The following TBCK variants were observed in gnomAD, a reference collection of about 807,000 sequenced individuals.
TBCK encodes the protein TBC domain-containing protein kinase-like protein.
Under a neutral mutation model 113.4 loss-of-function variants are expected in TBCK, and 99 were observed. The ratio of observed to expected loss-of-function variants is 0.87; its 90% confidence interval spans 0.74 to 1.03. The LOEUF is 1.03. Among genes scored for constraint, TBCK ranks in the 50% least tolerant of loss-of-function variants. The pLI is 0.00. For missense variants in TBCK, 1,045 were observed against 1,061.3 expected (o/e 0.98, Z 0.21); for synonymous variants, 369 against 370.8 (o/e 1.00, Z 0.05).
rs559664816 is a variant in TBCK at position 106,088,806 on chromosome 4, T to C, written c.2571+6676A>G. ...ACATGGATGAAGCTGGAAGCCATCA[T>C]CCTCAGCAAACTAATAGAGGAGCAG... On this transcript the variant is annotated intron_variant, in intron 25 of 25. Transcript: ENST00000394708. Among the ~76,000 whole-genome samples, 4 of 152,300 alleles carry C rather than the reference T, an allele frequency of 2.6e-5. No homozygotes were observed. In the East Asian group the frequency reaches 5.8e-4, roughly 22 times the overall value.
At position 106,089,006 on chromosome 4, in the gene TBCK, G is replaced by A. The variant is rs145067546; in HGVS notation, c.2571+6476C>T. On this transcript the variant is annotated intron_variant, in intron 25 of 25. Coordinates refer to ENST00000394708, the MANE Select transcript of TBCK (RefSeq NM_001163435.3). The stretch of plus-strand genomic sequence containing the variant: ...ACCACCATGGCACACATATAACTAT[G>A]TAACAAACCTGCATGTTCTGTACAT... Among the ~76,000 whole-genome samples the A allele has an allele frequency of 2.2e-3, 332 of 151,068 alleles. 2 individuals are homozygous for A. The highest frequency in any genetic ancestry group is 7.1e-3 in the African/African-American group (290 of 41,018).
At chr4:106,152,892 C>A (rs747119541) in intron 23 of TBCK, among the ~76,000 whole-genome samples, 33 of 151,906 alleles carry the variant, frequency 2.2e-4, no homozygotes, top group Non-Finnish European at 4.4e-4. Flanking sequence ...AGCTGCTAAT[C>A]CTTTGAATTT....
At chr4:106,093,414 G>A (rs113909315) in intron 25 of TBCK, among the ~76,000 whole-genome samples, 3 of 152,328 alleles carry the variant, frequency 2.0e-5, no homozygotes, top group African/African-American at 7.2e-5. Flanking sequence ...GGCTGAGGCA[G>A]GAGAATGGTG....
At chr4:106,051,109 C>T (rs1734755332) in intron 25 of TBCK, among the ~76,000 whole-genome samples, 1 of 151,856 alleles carries the variant, frequency 6.6e-6, no homozygotes, top group African/African-American at 2.4e-5. Context: ...TAAGCAGCCA[C>T]AGAGTACTGT....
chr4:106,302,574 T>G (rs1295770315), intron 2 of TBCK, among the ~76,000 whole-genome samples: 1 of 151,694 alleles, frequency 6.6e-6, no homozygotes, highest in African/African-American at 2.4e-5. Context: ...AAAGTGAAGC[T>G]CCAAAGAGGC....
rs1471727476 is a variant in TBCK, at chr4:106,043,767, CTG to C, written c.*2801_*2802del. ...TGTGTGTGTGTGTGTGTATGTATAT[CTG>C]TGTGGGCTGGTGGTGGTACTTATGG... On this transcript the variant is annotated 3_prime_UTR_variant, in exon 26 of 26. Coordinates refer to ENST00000394708, the MANE Select transcript of TBCK (RefSeq NM_001163435.3). The C allele has an allele frequency of 6.7e-6, 1 of 149,910 alleles. No individual in the cohort carries two copies. Among genetic ancestry groups the C allele is most frequent in the Non-Finnish European group, 1.5e-5 (1 of 67,200 alleles). 9.3% of individuals were successfully genotyped at this position (149,910 alleles called of 1,614,324 possible). A position where few individuals can be genotyped will look rare whatever the true frequency, so the allele number is the denominator to read the frequency against.
intron 23 of TBCK, among the ~76,000 whole-genome samples, chr4:106,126,853 A>G (rs561788747): frequency 6.6e-6 from 1 of 152,318 alleles, no homozygotes; most frequent in East Asian, 1.9e-4. Context: ...TGTTTCCTCA[A>G]CTGAAAAACT....
chr4:106,254,178 G>T (rs1216617953), intron 5 of TBCK, among the ~76,000 whole-genome samples: 1 of 152,126 alleles, frequency 6.6e-6, no homozygotes, highest in Non-Finnish European at 1.5e-5. Flanking sequence ...TTGTCACACA[G>T]GCACTCTCTG....
In TBCK at chr4:106,042,088, G is replaced by C. The variant is rs1733903894; in HGVS notation, c.*4482C>G. On this transcript the variant is annotated 3_prime_UTR_variant, in exon 26 of 26. Transcript: ENST00000394708. ...TTTCCACATAAAATTGAAGTTGGTA[G>C]CTGTGAAGAGGGTTTGGTCTTGACA... The C allele has an allele frequency of 6.6e-6, 1 of 152,194 alleles. No homozygotes were observed. The highest frequency in any genetic ancestry group is 2.4e-5 in the African/African-American group (1 of 41,444). 9.4% of individuals were successfully genotyped at this position (152,194 alleles called of 1,614,324 possible). A position where few individuals can be genotyped will look rare whatever the true frequency, so the allele number is the denominator to read the frequency against.
At chr4:106,279,978 C>T (rs1459804034) in intron 3 of TBCK, among the ~76,000 whole-genome samples, 1 of 151,976 alleles carries the variant, frequency 6.6e-6, no homozygotes, top group African/African-American at 2.4e-5. Context: ...CATATGATAG[C>T]CTTATTTTTA....
At chr4:106,142,375 G>A (rs1358109849) in intron 23 of TBCK, among the ~76,000 whole-genome samples, 1 of 152,070 alleles carries the variant, frequency 6.6e-6, no homozygotes, top group Non-Finnish European at 1.5e-5. Context: ...TTTTCATTAT[G>A]TACCTTGCTT....
At chr4:106,085,151 C>T (rs1355323006) in intron 25 of TBCK, among the ~76,000 whole-genome samples, 1 of 152,092 alleles carries the variant, frequency 6.6e-6, no homozygotes, top group East Asian at 1.9e-4. Flanking sequence ...CACAGACTGG[C>T]AAATTGGATA....
At chr4:106,205,061 G>A (rs1486471478) in intron 20 of TBCK, among the ~76,000 whole-genome samples, 7 of 152,102 alleles carry the variant, frequency 4.6e-5, no homozygotes, top group South Asian at 2.1e-4. Context: ...CACCGCGCCC[G>A]GCCCAAACAA....
intron 2 of TBCK, among the ~76,000 whole-genome samples, chr4:106,295,842 C>G (rs993223373): frequency 1.3e-5 from 2 of 152,068 alleles, no homozygotes; most frequent in Admixed American, 6.5e-5. Context: ...TCATGACATA[C>G]CTTTTTTTCT....
rs368227480 is a variant in TBCK at position 106,222,523 on chromosome 4, G to C, written c.1774+7840C>G. 2.6e-5 allele frequency among the ~76,000 whole-genome samples: 4 copies of C among 152,240 alleles called. No homozygotes were observed. The East Asian group carries it at 7.7e-4, about 29-fold the overall frequency. On this transcript the variant is annotated intron_variant, in intron 19 of 25. Coordinates refer to ENST00000394708, the MANE Select transcript of TBCK (RefSeq NM_001163435.3). ...GCTTTGACTCTTTTAGCTAGGATAA[G>C]AAGATGAAAGATGATGGGTGGGATT... is the stretch of plus-strand genomic sequence containing the variant.
chr4:106,081,965 G>A (rs903633764), intron 25 of TBCK, among the ~76,000 whole-genome samples: 1 of 152,180 alleles, frequency 6.6e-6, no homozygotes, highest in Non-Finnish European at 1.5e-5. Flanking sequence ...AAATGCTGGT[G>A]AGGTTGCATA....
At chr4:106,124,496 A>C (rs1216313364) in intron 23 of TBCK, among the ~76,000 whole-genome samples, 2 of 152,144 alleles carry the variant, frequency 1.3e-5, no homozygotes, top group East Asian at 3.9e-4. Flanking sequence ...CCATCCCATT[A>C]CTGGGTATAT....
At chr4:106,111,633 C>G (rs1362286145) in intron 24 of TBCK, among the ~76,000 whole-genome samples, 1 of 152,174 alleles carries the variant, frequency 6.6e-6, no homozygotes, top group Non-Finnish European at 1.5e-5. Flanking sequence ...TGATATTTTA[C>G]TAGCAGCCCC....
chr4:106,114,622 A>C (rs962306565), intron 24 of TBCK, among the ~76,000 whole-genome samples: 1 of 152,186 alleles, frequency 6.6e-6, no homozygotes, highest in Non-Finnish European at 1.5e-5. Flanking sequence ...GTCTGACTGC[A>C]TTCTTACATC....
Sources: gnomAD v4.1 joint callset for allele counts (sites outside exome capture counted in the v4.1 genomes callset) on GRCh38, gnomAD v4.1.1 for gene constraint, MANE v1.5 for transcripts, NCBI Gene and HGNC (gene_info 2026-07-23, HGNC 2026-07-21) for gene names.